RALYL: variants seen among roughly 807,000 people sequenced by gnomAD.
RALYL encodes the protein RNA-binding Raly-like protein.
RALYL carries 29 observed loss-of-function variants against 35.1 expected under a neutral mutation model. The ratio of observed to expected loss-of-function variants is 0.83; its 90% CI spans 0.61 to 1.13. RALYL has a LOEUF of 1.13. RALYL is among the 50% of genes most tolerant of loss of function. The pLI is 0.00. For synonymous variants in RALYL, 120 were observed against 127.6 expected (o/e 0.94, Z 0.40); for missense variants, 359 against 360.4 (o/e 1.00, Z 0.03).
At chr8:84,467,471 C>T (rs1279873356) in intron 1 of RALYL, among the ~76,000 whole-genome samples, 1 of 151,882 alleles carries the variant, frequency 6.6e-6, no homozygotes, top group African/African-American at 2.4e-5. Context: ...GATTCTTAAT[C>T]CTGAGTTCTA....
At chr8:84,535,491 A>G (rs1227728023) in intron 2 of RALYL, among the ~76,000 whole-genome samples, 1 of 148,330 alleles carries the variant, frequency 6.7e-6, no homozygotes, top group Admixed American at 6.8e-5. Context: ...GCTGGAGTGC[A>G]GTGGCGCTGT....
chr8:84,692,487 C>T (rs1838259945), intron 2 of RALYL, among the ~76,000 whole-genome samples: 1 of 151,922 alleles, frequency 6.6e-6, no homozygotes, highest in Admixed American at 6.6e-5. Context: ...GTGTGTAAGA[C>T]CACTACCCTG....
intron 2 of RALYL, among the ~76,000 whole-genome samples, chr8:84,668,796 TAGCC>T (rs1832598420): frequency 6.6e-6 from 1 of 151,962 alleles, no homozygotes; most frequent in South Asian, 2.1e-4. Flanking sequence ...AGCTCAGAAA[TAGCC>T]AGACAAGACA....
At chr8:84,851,494 T>G (rs1373863462) in intron 5 of RALYL, among the ~76,000 whole-genome samples, 6 of 152,096 alleles carry the variant, frequency 3.9e-5, no homozygotes, top group African/African-American at 1.4e-4. Flanking sequence ...GATTAAAAAA[T>G]GAGGTAAATA....
chr8:84,420,185 C>G (rs1055050689), intron 1 of RALYL, among the ~76,000 whole-genome samples: 6 of 151,994 alleles, frequency 3.9e-5, no homozygotes, highest in African/African-American at 1.5e-4. Flanking sequence ...GTTCCTATTT[C>G]TCCACATCCT....
intron 3 of RALYL, among the ~76,000 whole-genome samples, chr8:84,779,005 A>G (rs1197491240): frequency 6.6e-6 from 1 of 152,254 alleles, no homozygotes; most frequent in Non-Finnish European, 1.5e-5. Flanking sequence ...AGCACTTGCA[A>G]TAAAAATGTC....
intron 3 of RALYL, among the ~76,000 whole-genome samples, chr8:84,804,334 A>G (rs924143916): frequency 6.6e-6 from 1 of 152,226 alleles, no homozygotes; most frequent in African/African-American, 2.4e-5. Flanking sequence ...TATATATGGT[A>G]TGCTGCTTCT....
chr8:84,350,136 T>G lies in RALYL; in HGVS notation c.-24+165712T>G, dbSNP rs975822728. Among the ~76,000 whole-genome samples the G allele has an allele frequency of 7.3e-5, 11 of 150,476 alleles. 1 individual carries two copies. Among genetic ancestry groups the G allele is most frequent in the African/African-American group, 2.5e-4 (10 of 40,474 alleles). On this transcript the variant is annotated intron_variant, in intron 1 of 8. Coordinates refer to ENST00000521268, the MANE Select transcript of RALYL (RefSeq NM_173848.7). ...TAGAATTCACAGTTTGAAAATATAT[T>G]CAGGTACCAAATGGCTTTTCGTAAG...
At chr8:84,882,564 C>T (rs1035698185) in intron 7 of RALYL, among the ~76,000 whole-genome samples, 1 of 151,978 alleles carries the variant, frequency 6.6e-6, no homozygotes, top group African/African-American at 2.4e-5. Context: ...AAGAATTTGA[C>T]ACATTTGATA....
chr8:84,855,112 AAAC>A (rs1836708953), intron 5 of RALYL, among the ~76,000 whole-genome samples: 1 of 152,202 alleles, frequency 6.6e-6, no homozygotes. Flanking sequence ...ATAAAAAGCA[AAAC>A]AAGAAGGAGC....
intron 2 of RALYL, among the ~76,000 whole-genome samples, chr8:84,691,015 A>T (rs929611589): frequency 3.9e-5 from 6 of 152,118 alleles, no homozygotes; most frequent in African/African-American, 1.4e-4. Context: ...CTGATTTTTG[A>T]GGTTAAAAGA....
chr8:84,197,736 C>T (rs1157993163), intron 1 of RALYL, among the ~76,000 whole-genome samples: 1 of 149,484 alleles, frequency 6.7e-6, no homozygotes, highest in Admixed American at 6.7e-5. Context: ...TCGAGACTGC[C>T]TGGGCAATAT....
intron 8 of RALYL, among the ~76,000 whole-genome samples, chr8:84,897,155 C>T (rs989330806): frequency 7.9e-5 from 12 of 152,000 alleles, no homozygotes; most frequent in South Asian, 2.1e-4. Context: ...GCTTTTGTAA[C>T]GATTAAAAAA....
intron 4 of RALYL, among the ~76,000 whole-genome samples, chr8:84,812,546 C>T (rs1372595563): frequency 6.6e-6 from 1 of 152,086 alleles, no homozygotes; most frequent in Non-Finnish European, 1.5e-5. Flanking sequence ...GCAGGACCAT[C>T]AGGTGGGGGC....
intron 2 of RALYL, among the ~76,000 whole-genome samples, chr8:84,652,535 C>T (rs1463156813): frequency 6.6e-6 from 1 of 151,956 alleles, no homozygotes; most frequent in African/African-American, 2.4e-5. Context: ...TTCCTATGTC[C>T]CTATCTGTGC....
chr8:84,213,609 G>A (rs1257458988), intron 1 of RALYL, among the ~76,000 whole-genome samples: 2 of 152,012 alleles, frequency 1.3e-5, no homozygotes, highest in African/African-American at 2.4e-5. Context: ...GTATATATGT[G>A]TCTCTTTTTG....
chr8:84,797,090 T>A (rs529796641), intron 3 of RALYL, among the ~76,000 whole-genome samples: 1 of 152,296 alleles, frequency 6.6e-6, no homozygotes, highest in African/African-American at 2.4e-5. Flanking sequence ...TTCTAGAGAC[T>A]GAGAAGTCCA....
chr8:84,368,615 G>A (rs1044559601), intron 1 of RALYL, among the ~76,000 whole-genome samples: 4 of 152,276 alleles, frequency 2.6e-5, no homozygotes, highest in East Asian at 1.9e-4. Context: ...GTCTCACGTG[G>A]CAGCAGACAA....
At chr8:84,802,244 T>C (rs904964035) in intron 3 of RALYL, among the ~76,000 whole-genome samples, 4 of 152,172 alleles carry the variant, frequency 2.6e-5, no homozygotes, top group African/African-American at 9.7e-5. Flanking sequence ...TCACAAAATA[T>C]TATTACTCTT....
Sources: allele counts gnomAD v4.1 joint callset (sites outside exome capture counted in the v4.1 genomes callset), GRCh38; gene constraint gnomAD v4.1.1; transcripts MANE v1.5; gene names NCBI Gene and HGNC (gene_info 2026-07-23, HGNC 2026-07-21).